PCDHA3: variants seen among roughly 807,000 people sequenced by gnomAD.
PCDHA3 encodes the protein protocadherin alpha-3.
In PCDHA3, 41 loss-of-function variants were observed where a neutral mutation model predicts 62.2. The observed-to-expected ratio is 0.66, with a 90% confidence interval of 0.51 to 0.86. The LOEUF (loss-of-function observed/expected upper bound fraction) is 0.86. Among genes scored for constraint, PCDHA3 ranks in the 40% least tolerant of loss-of-function variants. The pLI is 0.00. For synonymous variants in PCDHA3, 640 were observed against 555.4 expected (o/e 1.15, Z -2.14); for missense variants, 1,304 against 1,241.2 (o/e 1.05, Z -0.76).
intron 1 of PCDHA3, chr5:140,930,511 C>G (rs2086907383): frequency 6.6e-6 from 1 of 152,616 alleles, no homozygotes; most frequent in African/African-American, 2.4e-5. Context: ...GCATGAGCCA[C>G]TGCAGCTGGC....
intron 1 of PCDHA3, chr5:140,884,570 G>A (rs1174925238): frequency 6.2e-7 from 1 of 1,614,074 alleles, no homozygotes; most frequent in Non-Finnish European, 8.5e-7. Flanking sequence ...GCATAAGACG[G>A]ACCTCATGGC....
At chr5:140,893,219 G>T (rs1273209081) in intron 1 of PCDHA3, among the ~76,000 whole-genome samples, 1 of 152,194 alleles carries the variant, frequency 6.6e-6, no homozygotes. Context: ...GGAGGTGCAG[G>T]TATCACTTTG....
chr5:140,823,336 C>T, intron 1 of PCDHA3: 4 of 1,612,212 alleles, frequency 2.5e-6, no homozygotes, highest in Non-Finnish European at 2.5e-6. Context: ...CGCGCTGCAG[C>T]CGCTGGACCA....
chr5:140,990,198 C>T (rs954813003), intron 3 of PCDHA3, among the ~76,000 whole-genome samples: 5 of 151,968 alleles, frequency 3.3e-5, no homozygotes, highest in South Asian at 2.1e-4. Context: ...AATGTGGACC[C>T]GAAAGAGAAC....
intron 3 of PCDHA3, among the ~76,000 whole-genome samples, chr5:140,992,594 G>A (rs782416770): frequency 2.6e-5 from 4 of 152,148 alleles, no homozygotes; most frequent in Non-Finnish European, 2.9e-5. Flanking sequence ...TGCATCTAGC[G>A]TCTGTGTCTA....
At chr5:140,805,439 G>T (rs1581672644) in intron 1 of PCDHA3, 1 of 1,023,338 alleles carries the variant, frequency 9.8e-7, no homozygotes, top group Non-Finnish European at 1.2e-6. Context: ...TTTGGTTTTT[G>T]TGTGTGTGTG....
At position 140,835,744 on chromosome 5, in the gene PCDHA3, C is replaced by T. The variant is rs2150243838; in HGVS notation, c.2394+32153C>T. On this transcript the variant is annotated intron_variant, in intron 1 of 3. Coordinates refer to ENST00000522353, the MANE Select transcript of PCDHA3 (RefSeq NM_018906.3). ...GCCGACGTGAACGACAACGCCCCGG[C>T]GTTCGCGCAGCCCGAGTATACGGTG... is the stretch of plus-strand genomic sequence containing the variant. The T allele has an allele frequency of 5.6e-6, 9 of 1,613,652 alleles. No homozygotes were observed. The Admixed American group carries it at 1.3e-4, about 24-fold the overall frequency.
At chr5:140,863,532 T>G (rs1554158313) in intron 1 of PCDHA3, 1 of 390,936 alleles carries the variant, frequency 2.6e-6, no homozygotes, top group Non-Finnish European at 5.0e-6. Context: ...GTTCAGATTT[T>G]GGAGATGGAC....
chr5:140,923,963 A>G (rs1172303229), intron 1 of PCDHA3, among the ~76,000 whole-genome samples: 1 of 152,188 alleles, frequency 6.6e-6, no homozygotes, highest in African/African-American at 2.4e-5. Context: ...CCTAATCTAT[A>G]CCCACACATA....
chr5:140,839,514 C>T (rs2150298432), intron 1 of PCDHA3, among the ~76,000 whole-genome samples: 3 of 152,082 alleles, frequency 2.0e-5, no homozygotes, highest in African/African-American at 7.2e-5. Context: ...CTCAGCCTCT[C>T]AAGTTGCTGG....
chr5:140,960,316 G>A (rs1360755627), intron 1 of PCDHA3, among the ~76,000 whole-genome samples: 1 of 152,066 alleles, frequency 6.6e-6, no homozygotes, highest in African/African-American at 2.4e-5. Flanking sequence ...ACCTCATTAG[G>A]GTCCTGTGAG....
intron 1 of PCDHA3, among the ~76,000 whole-genome samples, chr5:140,873,979 T>C (rs1210499789): frequency 6.6e-6 from 1 of 152,156 alleles, no homozygotes; most frequent in Non-Finnish European, 1.5e-5. Context: ...AAAATTAAAG[T>C]TCCTTAGCAT....
intron 1 of PCDHA3, chr5:140,877,939 A>G (rs2057403639): frequency 7.2e-7 from 1 of 1,379,672 alleles, no homozygotes. Context: ...TCTATCCTTT[A>G]AACTATCGAA....
intron 1 of PCDHA3, among the ~76,000 whole-genome samples, chr5:140,959,265 T>C (rs1341807372): frequency 1.3e-5 from 2 of 152,076 alleles, no homozygotes; most frequent in African/African-American, 2.4e-5. Context: ...TAGTCCCAGC[T>C]ACCCAGGAGC....
At chr5:140,830,321 G>A (rs2150184954) in intron 1 of PCDHA3, 6 of 1,613,998 alleles carry the variant, frequency 3.7e-6, no homozygotes, top group Admixed American at 1.7e-5. Flanking sequence ...GTGCTCCAGC[G>A]CAGTGGGGAG....
chr5:140,921,631 T>A (rs1435281144), intron 1 of PCDHA3, among the ~76,000 whole-genome samples: 1 of 152,206 alleles, frequency 6.6e-6, no homozygotes, highest in East Asian at 1.9e-4. Flanking sequence ...ATCATCATTA[T>A]GGTAGCTATT....
chr5:140,836,633 C>A (rs2150266268), intron 1 of PCDHA3: 8 of 1,613,432 alleles, frequency 5.0e-6, no homozygotes, highest in Non-Finnish European at 5.9e-6. Flanking sequence ...GCTGGTCATT[C>A]TCCCAGCAGA....
intron 1 of PCDHA3, chr5:140,967,098 G>C: frequency 6.2e-7 from 1 of 1,613,130 alleles, no homozygotes; most frequent in Non-Finnish European, 8.5e-7. Flanking sequence ...GAGGCGCTGT[G>C]TGAGCAGCGG....
chr5:140,914,528 A>G (rs1333576504), intron 1 of PCDHA3, among the ~76,000 whole-genome samples: 2 of 152,114 alleles, frequency 1.3e-5, no homozygotes, highest in African/African-American at 4.8e-5. Flanking sequence ...TCATCCATTC[A>G]GCCACTTTAT....
Sources: allele counts gnomAD v4.1 joint callset (sites outside exome capture counted in the v4.1 genomes callset), GRCh38; gene constraint gnomAD v4.1.1; transcripts MANE v1.5; gene names NCBI Gene and HGNC (gene_info 2026-07-23, HGNC 2026-07-21).